STYK1: variants seen among roughly 807,000 people sequenced by gnomAD.
STYK1 encodes tyrosine-protein kinase STYK1.
In STYK1, 46 loss-of-function variants were observed where a neutral mutation model predicts 48.1. That is an observed-to-expected ratio of 0.96 (90% CI 0.75 to 1.22). The LOEUF is 1.22. Ranked by LOEUF, STYK1 falls within the 50% of genes most tolerant of loss-of-function variation. STYK1 has a pLI of 0.00. For missense variants in STYK1, 527 were observed against 521.1 expected, an observed-to-expected ratio of 1.01 and a Z score of -0.11; for synonymous variants, 188 against 189.0, an observed-to-expected ratio of 0.99 and a Z score of 0.04.
chr12:10,631,391 G>A (rs1947427648), intron 4 of STYK1, 83 bp from the exon 5 acceptor site: 2 of 1,539,060 alleles, frequency 1.3e-6, no homozygotes, highest in Non-Finnish European at 1.8e-6. Flanking sequence ...TTGGCAAGGA[G>A]GTTCCTTCAG....
At chr12:10,641,429 G>A (rs1378549124) in intron 1 of STYK1, among the ~76,000 whole-genome samples, 3 of 152,172 alleles carry the variant, frequency 2.0e-5, no homozygotes, top group African/African-American at 4.8e-5. Flanking sequence ...CCCCATAAGT[G>A]AGGAGATCTG....
intron 2 of STYK1, among the ~76,000 whole-genome samples, chr12:10,636,707 G>A (rs1490361567): frequency 6.6e-6 from 1 of 152,132 alleles, no homozygotes; most frequent in Admixed American, 6.5e-5. Context: ...CTCCTTTTTA[G>A]TGGATTATCA....
intron 4 of STYK1, 41 bp from the exon 5 acceptor site, chr12:10,631,349 T>C (rs200048381): frequency 1.4e-5 from 23 of 1,597,622 alleles, no homozygotes; most frequent in Non-Finnish European, 2.0e-5. Context: ...TTCCCCGCCC[T>C]GGGGATCCCG....
rs1447482627 is a variant in STYK1 at position 10,629,490 on chromosome 12, C to T, written c.633+3G>A. Reference sequence around the variant, plus strand: ...CTCCTAATACCTCTGCCCTACTGCTCACCCGCCGACAGGTCCAGAGAAAGC... The same window carrying T: ...CTCCTAATACCTCTGCCCTACTGCTTACCCGCCGACAGGTCCAGAGAAAGC... On this transcript the variant is annotated splice_donor_region_variant and intron_variant, in intron 6 of 10. Transcript: ENST00000075503. 1 of 1,613,778 alleles carries T rather than the reference C, an allele frequency of 6.2e-7. No homozygotes were observed. Among genetic ancestry groups the T allele is most frequent in the Non-Finnish European group, 8.5e-7 (1 of 1,179,982 alleles).
At chr12:10,645,223 A>G (rs1277541484) in intron 1 of STYK1, among the ~76,000 whole-genome samples, 1 of 152,202 alleles carries the variant, frequency 6.6e-6, no homozygotes, top group East Asian at 1.9e-4. Flanking sequence ...CCCATCATAG[A>G]AAGAATAGCT....
At chr12:10,665,256 A>G (rs894283457) in intron 1 of STYK1, among the ~76,000 whole-genome samples, 2 of 152,214 alleles carry the variant, frequency 1.3e-5, no homozygotes, top group Admixed American at 6.5e-5. Flanking sequence ...TACAGAAACA[A>G]AAAATGTAAG....
intron 1 of STYK1, among the ~76,000 whole-genome samples, chr12:10,641,758 A>G (rs1947547464): frequency 6.6e-6 from 1 of 152,166 alleles, no homozygotes; most frequent in African/African-American, 2.4e-5. Flanking sequence ...CGAGAGGAAA[A>G]AGACACTTCT....
At chr12:10,654,440 G>A (rs965255680) in intron 1 of STYK1, among the ~76,000 whole-genome samples, 1 of 152,134 alleles carries the variant, frequency 6.6e-6, no homozygotes, top group Non-Finnish European at 1.5e-5. Context: ...GGTCTGGATT[G>A]GGACCCCTTT....
At chr12:10,661,808 A>AT (rs1223670368) in intron 1 of STYK1, among the ~76,000 whole-genome samples, 5 of 151,644 alleles carry the variant, frequency 3.3e-5, no homozygotes, top group African/African-American at 9.7e-5. Flanking sequence ...AAAAACTAGT[A>AT]TTTTTTTGCA....
At chr12:10,640,440 G>A (rs1314294781) in intron 1 of STYK1, among the ~76,000 whole-genome samples, 3 of 152,166 alleles carry the variant, frequency 2.0e-5, no homozygotes, top group Non-Finnish European at 2.9e-5. Flanking sequence ...GGGTGAGGCA[G>A]GGAGGAGGTT....
At chr12:10,656,857 A>G (rs1409274733) in intron 1 of STYK1, among the ~76,000 whole-genome samples, 1 of 152,198 alleles carries the variant, frequency 6.6e-6, no homozygotes, top group Non-Finnish European at 1.5e-5. Flanking sequence ...CCCTCTCAAA[A>G]TCTAATGCTT....
chr12:10,649,883 C>T (rs934912171), intron 1 of STYK1, among the ~76,000 whole-genome samples: 24 of 152,106 alleles, frequency 1.6e-4, no homozygotes, highest in East Asian at 1.9e-4. Context: ...GAGGTTGAGG[C>T]GGGCGGATCG....
At chr12:10,641,796 T>C (rs1427349454) in intron 1 of STYK1, among the ~76,000 whole-genome samples, 2 of 152,190 alleles carry the variant, frequency 1.3e-5, no homozygotes, top group African/African-American at 4.8e-5. Flanking sequence ...TGCCTCATTC[T>C]GTACAGCCAG....
Position 10,621,971 on chromosome 12 carries a change from T to G in STYK1, c.969A>C (p.Gly323=), listed in dbSNP as rs1395525865. ...GILLYEMVTL[G]APPYPEVPPT... ...GAGGGACTTCAGGATACGGTGGTGC[T>G]CCTGTCATTACGAAAATAATGAGAA... Residue 323 remains glycine (G), a splice_region_variant and synonymous_variant, in exon 10 of 11, where the codon GGA becomes GGC. Coordinates refer to ENST00000075503, the MANE Select transcript of STYK1 (RefSeq NM_018423.3). The G allele has an allele frequency of 1.2e-6, 2 of 1,613,078 alleles. No homozygotes were observed. The highest frequency in any genetic ancestry group is 2.2e-5 in the South Asian group (2 of 91,004).
At chr12:10,660,087 T>A (rs1332290304) in intron 1 of STYK1, among the ~76,000 whole-genome samples, 1 of 152,230 alleles carries the variant, frequency 6.6e-6, no homozygotes, top group South Asian at 2.1e-4. Flanking sequence ...CCACATATCA[T>A]CTTGGTTCTA....
intron 4 of STYK1, among the ~76,000 whole-genome samples, chr12:10,632,023 T>A (rs959953817): frequency 7.9e-5 from 12 of 152,052 alleles, no homozygotes; most frequent in African/African-American, 2.9e-4. Flanking sequence ...CAGGTAATAA[T>A]ATATCAAGCA....
chr12:10,653,487 T>C (rs1416832083), intron 1 of STYK1, among the ~76,000 whole-genome samples: 1 of 152,212 alleles, frequency 6.6e-6, no homozygotes, highest in Non-Finnish European at 1.5e-5. Flanking sequence ...ATAATGAAAC[T>C]AAGATATATA....
At chr12:10,651,778 G>A (rs1400589358) in intron 1 of STYK1, among the ~76,000 whole-genome samples, 1 of 152,142 alleles carries the variant, frequency 6.6e-6, no homozygotes, top group East Asian at 1.9e-4. Flanking sequence ...TGACTTTACA[G>A]AAAATCTTAC....
chr12:10,644,494 G>A (rs536286563), intron 1 of STYK1, among the ~76,000 whole-genome samples: 2 of 152,258 alleles, frequency 1.3e-5, no homozygotes, highest in East Asian at 1.9e-4. Context: ...GCAACTACTT[G>A]TGAACCTTTA....
Sources: allele counts gnomAD v4.1 joint callset (sites outside exome capture counted in the v4.1 genomes callset), GRCh38; gene constraint gnomAD v4.1.1; transcripts MANE v1.5; gene names NCBI Gene and HGNC (gene_info 2026-07-23, HGNC 2026-07-21).